MPP3: variants seen among roughly 807,000 people sequenced by gnomAD.
The protein encoded by MPP3 is MAGUK p55 scaffold protein 3, also known as MAGUK p55 subfamily member 3.
In MPP3, 48 loss-of-function variants were observed where a neutral mutation model predicts 80.7. The ratio of observed to expected loss-of-function variants is 0.59; its 90% CI spans 0.47 to 0.76. The LOEUF is 0.76. Among genes scored for constraint, MPP3 ranks in the 30% least tolerant of loss-of-function variants. The pLI is 0.00. For missense variants in MPP3, 620 were observed against 763.0 expected, an observed-to-expected ratio of 0.81 and a Z score of 2.21; for synonymous variants, 311 against 297.6, an observed-to-expected ratio of 1.04 and a Z score of -0.46.
chr17:43,829,423 T>C (rs1202032889), intron 7 of MPP3, among the ~76,000 whole-genome samples: 1 of 152,196 alleles, frequency 6.6e-6, no homozygotes, highest in Non-Finnish European at 1.5e-5. Flanking sequence ...CCCTGTACAA[T>C]TGTGCAGGTT....
In MPP3 at chr17:43,831,300, A is replaced by T. The variant is rs1305185253; in HGVS notation, c.166T>A (p.Tyr56Asn). The change falls in exon 5 of 20, where the codon TAT becomes AAT. Residue 56 changes from tyrosine to asparagine, a missense_variant. Transcript: ENST00000398389. ...LMKIHEKLRY[Y>N]ERQSPTPVLH... ...ACTGGGGTTGGACTTTGCCTTTCAT[A>T]ATAGCGAAGCTTCTCATGAATCTGC... 8 of 1,613,908 alleles carry T rather than the reference A, an allele frequency of 5.0e-6. No homozygotes were observed. The highest frequency in any genetic ancestry group is 1.3e-5 in the African/African-American group (1 of 74,928).
Position 43,831,232 on chromosome 17 carries a change from C to G in MPP3, c.222+12G>C. ...GTGGGGCAGACACTGTAAGGAGAAA[C>G]CTGGGGCTTACGTCCTCAGCGAGGG... On this transcript the variant is annotated intron_variant, in intron 5 of 19. Coordinates refer to ENST00000398389, the MANE Select transcript of MPP3 (RefSeq NM_001932.6). 1 of 1,613,896 alleles carries G rather than the reference C, an allele frequency of 6.2e-7. No homozygotes were observed. Among genetic ancestry groups the G allele is most frequent in the Non-Finnish European group, 8.5e-7 (1 of 1,179,902 alleles).
At position 43,814,220 on chromosome 17, in the gene MPP3, C is replaced by G; in HGVS notation, c.1151G>C (p.Arg384Pro). ...ACCGATCAGAACCACCAGGCGGGGCCGCTCTCCGGGCTGGTGTTGGTACCT... is the reference window on the plus strand; with the variant it reads ...ACCGATCAGAACCACCAGGCGGGGCGGCTCTCCGGGCTGGTGTTGGTACCT... ...VARYQHQPGE[R>P]PRLVVLIGSL... The change falls in exon 15 of 20, where the codon CGG becomes CCG. Residue 384 changes from arginine to proline, a missense_variant. Arg to Pro is a moderately radical substitution (Grantham distance 103). Coordinates refer to ENST00000398389, the MANE Select transcript of MPP3 (RefSeq NM_001932.6). 1 of 1,613,596 alleles carries G rather than the reference C, an allele frequency of 6.2e-7. No individual in the cohort carries two copies. Among genetic ancestry groups the G allele is most frequent in the South Asian group, 1.1e-5 (1 of 91,030 alleles).
At position 43,801,809 on chromosome 17, in the gene MPP3, G is replaced by A. The variant is rs369690455; in HGVS notation, c.1650C>T (p.Asp550=). 1.3e-4 allele frequency: 213 copies of A among 1,613,978 alleles called. No homozygotes were observed. The highest frequency in any genetic ancestry group is 3.3e-4 in the Middle Eastern group (2 of 6,084). Reference sequence around the variant, plus strand: ...GGAGATCCTCCTTCACCAGCACGGCGTCTACCAGGTGCCCGTAATGCCGGT... The same window carrying A: ...GGAGATCCTCCTTCACCAGCACGGCATCTACCAGGTGCCCGTAATGCCGGT... ...FIDRHYGHLV[D]AVLVKEDLQG... is the part of the protein sequence containing the mutation. Residue 550 remains aspartate, a synonymous_variant, in exon 20 of 20, where the codon GAC becomes GAT. Coordinates refer to ENST00000398389, the MANE Select transcript of MPP3 (RefSeq NM_001932.6).
intron 18 of MPP3, 95 bp from the exon 19 acceptor site, chr17:43,809,173 T>C (rs1245490851): frequency 1.5e-6 from 2 of 1,297,088 alleles, no homozygotes; most frequent in Non-Finnish European, 2.1e-6. Context: ...TTCAATACCA[T>C]AACCTCAACA....
chr17:43,804,970 A>ACCC (rs1284394885), intron 19 of MPP3, among the ~76,000 whole-genome samples: 1 of 152,184 alleles, frequency 6.6e-6, no homozygotes, highest in Non-Finnish European at 1.5e-5. Flanking sequence ...GTGAGCCAAC[A>ACCC]CCGCACCATT....
chr17:43,817,825 C>T, intron 12 of MPP3: 1 of 461,372 alleles, frequency 2.2e-6, no homozygotes. Context: ...GTTAACATAC[C>T]CCCCAGCATC....
In MPP3 at chr17:43,826,038, C is replaced by T. The variant is rs114262477; in HGVS notation, c.524-197G>A. On this transcript the variant is annotated intron_variant, in intron 8 of 19. Transcript: ENST00000398389. ...CTCACTCGGCATGCAGGGCTCAAAT[C>T]ACCCAGTAAAATCTCCAATTTACAA... Among the ~76,000 whole-genome samples the T allele has an allele frequency of 7.2e-3, 1,094 of 152,376 alleles. 7 individuals are homozygous for T. The highest frequency in any genetic ancestry group is 0.037 in the Middle Eastern group (11 of 294).
chr17:43,820,903 G>A lies in MPP3; in HGVS notation c.840C>T (p.Asn280=), dbSNP rs1391922641. The A allele has an allele frequency of 1.2e-6, 2 of 1,614,214 alleles. No individual in the cohort carries two copies. The highest frequency in any genetic ancestry group is 1.1e-5 in the South Asian group (1 of 91,086). ...WWQAKRVGDT[N]LRAGLIPSKG... The stretch of plus-strand genomic sequence containing the variant: ...TGGAGGGGATGAGGCCGGCTCGAAG[G>A]TTGGTGTCCCCGACTCGCTTGGCCT... The change falls in exon 11 of 20, where the codon AAC becomes AAT. Residue 280 remains asparagine, a synonymous_variant. Coordinates refer to ENST00000398389, the MANE Select transcript of MPP3 (RefSeq NM_001932.6).
Position 43,831,942 on chromosome 17 carries a change from T to C in MPP3, c.-36A>G, listed in dbSNP as rs950009793. 6 of 1,609,356 alleles carry C rather than the reference T, an allele frequency of 3.7e-6. No homozygotes were observed. The Admixed American group carries it at 5.1e-5, about 14-fold the overall frequency. ...TCACCTCCCGACCTCTCCCTGCAGA[T>C]TCTGGGAGAAGGGGGTGGAGGTGGG... On this transcript the variant is annotated splice_region_variant and 5_prime_UTR_variant, in exon 3 of 20. Transcript: ENST00000398389.
chr17:43,827,998 T>A lies in MPP3; in HGVS notation c.442-166A>T, dbSNP rs149339067. Among the ~76,000 whole-genome samples, 477 of 152,202 alleles carry A rather than the reference T, an allele frequency of 3.1e-3. 4 individuals carry two copies. The highest frequency in any genetic ancestry group is 0.01 in the Middle Eastern group (3 of 294). On this transcript the variant is annotated intron_variant, in intron 7 of 19. Transcript: ENST00000398389. ...ACAAAACAAAACCAACATCCCCCAT[T>A]AATATAGCCCTGCACTGTACAGTTT...
chr17:43,814,499 T>A, intron 14 of MPP3, 138 bp from the exon 15 acceptor site: 2 of 747,740 alleles, frequency 2.7e-6, no homozygotes, highest in Non-Finnish European at 4.2e-6. Flanking sequence ...CTCCTGCTAC[T>A]GGAAGAGGTT....
intron 10 of MPP3, among the ~76,000 whole-genome samples, chr17:43,821,304 T>C (rs2045450144): frequency 6.6e-6 from 1 of 152,238 alleles, no homozygotes; most frequent in African/African-American, 2.4e-5. Flanking sequence ...TGAATGTCTC[T>C]TTCCTACCTA....
In MPP3 at chr17:43,831,233, C is replaced by G; in HGVS notation, c.222+11G>C. On this transcript the variant is annotated intron_variant, in intron 5 of 19. Transcript: ENST00000398389. ...TGGGGCAGACACTGTAAGGAGAAAC[C>G]TGGGGCTTACGTCCTCAGCGAGGGC... 6.2e-7 allele frequency: 1 copy of G among 1,613,918 alleles called. No homozygotes were observed. Among genetic ancestry groups the G allele is most frequent in the Non-Finnish European group, 8.5e-7 (1 of 1,179,926 alleles).
In MPP3 at chr17:43,826,019, C is replaced by T. The variant is rs115440133; in HGVS notation, c.524-178G>A. Among the ~76,000 whole-genome samples the T allele has an allele frequency of 6.3e-3, 957 of 152,328 alleles. 12 individuals carry two copies. The highest frequency in any genetic ancestry group is 0.022 in the African/African-American group (902 of 41,584). ...CCTGCTAAGTGCTGGGCACCTCACT[C>T]GGCATGCAGGGCTCAAATCACCCAG... On this transcript the variant is annotated intron_variant, in intron 8 of 19. Coordinates refer to ENST00000398389, the MANE Select transcript of MPP3 (RefSeq NM_001932.6).
At chr17:43,811,630 G>A (rs1009983252) in intron 16 of MPP3, 6 of 159,764 alleles carry the variant, frequency 3.8e-5, no homozygotes, top group Admixed American at 1.2e-4. Context: ...AGTTTTGCTC[G>A]TTCCCCAGGC....
chr17:43,804,875 C>T (rs74727039), intron 19 of MPP3, among the ~76,000 whole-genome samples: 6,312 of 152,126 alleles, frequency 0.041, 432 homozygotes, highest in African/African-American at 0.14. Flanking sequence ...GGAAATTAGC[C>T]GAGCATGATG....
chr17:43,810,753 C>A, intron 18 of MPP3, 54 bp downstream of exon 18: 2 of 1,209,906 alleles, frequency 1.7e-6, no homozygotes, highest in Non-Finnish European at 2.4e-6. Context: ...AATGTACAAT[C>A]CCCTAGTTAT....
chr17:43,830,621 T>G (rs993326652), intron 5 of MPP3, among the ~76,000 whole-genome samples: 1 of 152,154 alleles, frequency 6.6e-6, no homozygotes, highest in Non-Finnish European at 1.5e-5. Context: ...GGCAATCTAA[T>G]GTGCCCCTAA....
Sources: allele counts gnomAD v4.1 joint callset (sites outside exome capture counted in the v4.1 genomes callset), GRCh38; gene constraint gnomAD v4.1.1; transcripts MANE v1.5; gene names NCBI Gene and HGNC (gene_info 2026-07-23, HGNC 2026-07-21).